WNK4: variants seen among roughly 807,000 people sequenced by gnomAD.
WNK4 encodes WNK lysine deficient protein kinase 4.
WNK4 carries 94 observed loss-of-function variants against 116.2 expected under a neutral mutation model. The ratio of observed to expected loss-of-function variants is 0.81; its 90% CI spans 0.68 to 0.96. The LOEUF is 0.96. Among genes scored for constraint, WNK4 ranks in the 40% least tolerant of loss-of-function variants. WNK4 has a pLI of 0.00. For missense variants in WNK4, 1,542 were observed against 1,650.6 expected (o/e 0.93, Z 1.14); for synonymous variants, 655 against 672.7 (o/e 0.97, Z 0.41).
chr17:42,787,798 T>A lies in WNK4; in HGVS notation c.1762T>A (p.Tyr588Asn). 1 of 1,612,508 alleles carries A rather than the reference T, an allele frequency of 6.2e-7. No individual in the cohort carries two copies. The highest frequency in any genetic ancestry group is 1.3e-5 in the African/African-American group (1 of 75,052). The change falls in exon 8 of 19, where the codon TAC becomes AAC. Residue 588 changes from tyrosine to asparagine, a missense_variant. Around this residue, in one of 7 missense-constraint regions of WNK4, gnomAD observed 808 missense variants for 873.6 expected, o/e 0.92. Coordinates refer to ENST00000246914, the MANE Select transcript of WNK4 (RefSeq NM_032387.5). The part of the protein sequence containing the change: ...STTSDCETDG[Y>N]LSSSGFLDAS... ...ACCAGCGGATTGCGAGACTGATGGC[T>A]ACCTCAGCTCCTCCGGCTTCCTGGA...
In WNK4 at chr17:42,784,264, C is replaced by T; in HGVS notation, c.1012+107C>T. 1 of 1,554,624 alleles carries T rather than the reference C, an allele frequency of 6.4e-7. No homozygotes were observed. Among genetic ancestry groups the T allele is most frequent in the Non-Finnish European group, 8.8e-7 (1 of 1,134,466 alleles). ...GGGCCTTCAAGGTCCACAAAACTAC[C>T]AGACGACAGGGAAGCTGAGGAGACC... is the stretch of plus-strand genomic sequence containing the variant. On this transcript the variant is annotated intron_variant, in intron 3 of 18. Transcript: ENST00000246914. This position sits in a 1 kb window ranked among gnomAD's most constrained non-coding sequence, Gnocchi z 4.4.
chr17:42,790,047 G>A (rs779517904), intron 11 of WNK4, among the ~76,000 whole-genome samples: 3 of 152,028 alleles, frequency 2.0e-5, no homozygotes, highest in East Asian at 1.9e-4. Context: ...ACAGTGTAAC[G>A]TGACAGTAGG....
At chr17:42,781,681 C>G (rs892426793) in intron 1 of WNK4, among the ~76,000 whole-genome samples, 3 of 152,178 alleles carry the variant, frequency 2.0e-5, no homozygotes, top group African/African-American at 7.2e-5. Context: ...CTGAGATCCT[C>G]AGTTATGACC....
chr17:42,792,674 C>G (rs903510775), intron 11 of WNK4, among the ~76,000 whole-genome samples: 2 of 152,190 alleles, frequency 1.3e-5, no homozygotes, highest in African/African-American at 4.8e-5. Context: ...TTTTGGGCTT[C>G]GTTAAGCCTA....
rs754495845 is a variant in WNK4, at chr17:42,787,779, G to A, written c.1743G>A (p.Ser581=). 35 of 1,611,734 alleles carry A rather than the reference G, an allele frequency of 2.2e-5. 1 individual carries two copies. The highest frequency in any genetic ancestry group is 8.8e-5 in the South Asian group (8 of 91,088). The change falls in exon 8 of 19, where the codon TCG becomes TCA. Residue 581 remains serine (S), a splice_region_variant and synonymous_variant. Coordinates refer to ENST00000246914, the MANE Select transcript of WNK4 (RefSeq NM_032387.5). The stretch of plus-strand genomic sequence containing the variant: ...TTGATCCTCTCCCTCCCCAACCAGC[G>A]GATTGCGAGACTGATGGCTACCTCA... ...FRHASYSSTT[S]DCETDGYLSS...
chr17:42,794,569 A>G, intron 12 of WNK4, 45 bp from the exon 13 acceptor site: 1 of 1,610,812 alleles, frequency 6.2e-7, no homozygotes, highest in Non-Finnish European at 8.5e-7. Context: ...TCCATCTCAG[A>G]CTGCTCTTCC....
At position 42,793,660 on chromosome 17, in the gene WNK4, G is replaced by T; in HGVS notation, c.2226G>T (p.Gln742His). ...GFLRRIREII[Q>H]RVETLLKRDT... ...TCAGACGGATTCGGGAGATTATCCA[G>T]CGAGTGGAGACCCTGTTGAAGAGAG... The change falls in exon 12 of 19, where the codon CAG becomes CAT. Residue 742 changes from glutamine (Q) to histidine (H), a missense_variant. Gln to His is a conservative substitution (Grantham distance 24). Transcript: ENST00000246914. The T allele has an allele frequency of 6.2e-7, 1 of 1,614,088 alleles. No homozygotes were observed. The highest frequency in any genetic ancestry group is 8.5e-7 in the Non-Finnish European group (1 of 1,179,992).
In WNK4 at chr17:42,784,294, G is replaced by C; in HGVS notation, c.1013-128G>C. On this transcript the variant is annotated intron_variant, in intron 3 of 18. Transcript: ENST00000246914. The surrounding 1 kb of genome is among the most constrained non-coding windows in gnomAD (Gnocchi z 4.4). ...GACAGGGAAGCTGAGGAGACCTATG[G>C]CACCCACCTCAACCCCACTGTGGGC... The C allele has an allele frequency of 6.5e-7, 1 of 1,535,100 alleles. No individual in the cohort carries two copies. Among genetic ancestry groups the C allele is most frequent in the Admixed American group, 1.8e-5 (1 of 54,726 alleles).
At chr17:42,792,323 G>A (rs1056726749) in intron 11 of WNK4, among the ~76,000 whole-genome samples, 1 of 152,124 alleles carries the variant, frequency 6.6e-6, no homozygotes, top group Non-Finnish European at 1.5e-5. Flanking sequence ...AACTGCTCCA[G>A]CTTCCCCCTA....
At chr17:42,790,837 G>A (rs946565360) in intron 11 of WNK4, among the ~76,000 whole-genome samples, 4 of 151,932 alleles carry the variant, frequency 2.6e-5, no homozygotes, top group Admixed American at 6.6e-5. Context: ...AAAGGAATGG[G>A]AGAAACACCA....
chr17:42,781,014 C>A lies in WNK4; in HGVS notation c.316C>A (p.Pro106Thr), dbSNP rs2054476902. The part of the protein sequence containing the change: ...RSPPPSSKEP[P>T]EGTWTEGAPV... The stretch of plus-strand genomic sequence containing the variant: ...CCCACCGCCTAGCTCCAAAGAACCC[C>A]CCGAGGGCACGTGGACCGAGGGAGC... Residue 106 changes from proline to threonine, a missense_variant, in exon 1 of 19, where the codon CCC becomes ACC. This residue lies in a region of WNK4 where 243 missense variants were observed against 217.8 expected (regional missense o/e 1.12). Transcript: ENST00000246914. 2 of 1,610,488 alleles carry A rather than the reference C, an allele frequency of 1.2e-6. No individual in the cohort carries two copies.
chr17:42,783,167 C>T (rs1290231581), intron 2 of WNK4, among the ~76,000 whole-genome samples: 1 of 152,154 alleles, frequency 6.6e-6, no homozygotes, highest in African/African-American at 2.4e-5. Context: ...CCTCATCAGT[C>T]TGTCCCCAAG....
In WNK4 at chr17:42,784,993, A is replaced by G; in HGVS notation, c.1171-104A>G. On this transcript the variant is annotated intron_variant, in intron 4 of 18. Transcript: ENST00000246914. This position sits in a 1 kb window ranked among gnomAD's most constrained non-coding sequence, Gnocchi z 4.4. Reference sequence around the variant, plus strand: ...GTAGCAGTCAGGCTTTTGCAACTGCACGCGCAGCTGCCTAAGGAGGGAGTG... The same window carrying G: ...GTAGCAGTCAGGCTTTTGCAACTGCGCGCGCAGCTGCCTAAGGAGGGAGTG... 1 of 1,174,280 alleles carries G rather than the reference A, an allele frequency of 8.5e-7. No individual in the cohort carries two copies. Among genetic ancestry groups the G allele is most frequent in the Non-Finnish European group, 1.2e-6 (1 of 812,794 alleles). The allele number at this position is 1,174,280 out of a possible 1,614,324, so 72.7% of individuals were successfully genotyped here.
At position 42,795,928 on chromosome 17, in the gene WNK4, T is replaced by A; in HGVS notation, c.3326T>A (p.Val1109Glu). 1.9e-6 allele frequency: 3 copies of A among 1,612,090 alleles called. No homozygotes were observed. The highest frequency in any genetic ancestry group is 2.5e-6 in the Non-Finnish European group (3 of 1,179,024). The change falls in exon 16 of 19, where the codon GTG (valine) becomes GAG (glutamate). Residue 1109 changes from valine to glutamate, a missense_variant. Physicochemically the swap from Val to Glu is moderately radical, Grantham distance 121. This residue lies in a region of WNK4 where 292 missense variants were observed against 290.1 expected (regional missense o/e 1.01). Transcript: ENST00000246914. ...CAACCCCTGAGCCATCCCAGCCCAG[T>A]GTGGATGAACTACTCCTACAGCAGC... is the stretch of plus-strand genomic sequence containing the variant. ...SPQPLSHPSP[V>E]WMNYSYSSLC...
At position 42,782,753 on chromosome 17, in the gene WNK4, C is replaced by T; in HGVS notation, c.619-5C>T. 1 of 1,614,024 alleles carries T rather than the reference C, an allele frequency of 6.2e-7. No homozygotes were observed. The highest frequency in any genetic ancestry group is 8.5e-7 in the Non-Finnish European group (1 of 1,180,022). ...CTGACATGACACCCGTCCCCCATCC[C>T]ACAGACTCGGAAACTGTCTAGAGCT... On this transcript the variant is annotated splice_region_variant and splice_polypyrimidine_tract_variant and intron_variant, in intron 1 of 18. Coordinates refer to ENST00000246914, the MANE Select transcript of WNK4 (RefSeq NM_032387.5). The surrounding 1 kb of genome is among the most constrained non-coding windows in gnomAD (Gnocchi z 4.2).
chr17:42,784,019 C>T lies in WNK4; in HGVS notation c.874C>T (p.His292Tyr). The T allele has an allele frequency of 1.9e-6, 3 of 1,614,120 alleles. No homozygotes were observed. Among genetic ancestry groups the T allele is most frequent in the South Asian group, 1.1e-5 (1 of 91,088 alleles). ...RQILRGLHFLHSRVPPILHRD... is the reference protein window; with the variant it reads ...RQILRGLHFLYSRVPPILHRD... ...AATCCTGCGGGGACTTCATTTCCTA[C>T]ACTCCCGGGTTCCTCCCATCCTGCA... The change falls in exon 3 of 19, where the codon CAC (histidine) becomes TAC (tyrosine). Residue 292 changes from histidine to tyrosine, a missense_variant. His to Tyr is a moderately conservative substitution (Grantham distance 83). Coordinates refer to ENST00000246914, the MANE Select transcript of WNK4 (RefSeq NM_032387.5). This position sits in a 1 kb window ranked among gnomAD's most constrained non-coding sequence, Gnocchi z 4.4.
Sources: allele counts gnomAD v4.1 joint callset (sites outside exome capture counted in the v4.1 genomes callset), GRCh38; gene constraint gnomAD v4.1.1; regional missense constraint gnomAD v4.1.1; non-coding constraint Gnocchi (gnomAD v3.1); transcripts MANE v1.5; gene names NCBI Gene and HGNC (gene_info 2026-07-23, HGNC 2026-07-21).